The following PCDHGB5 variants were observed in gnomAD, a reference collection of about 807,000 sequenced individuals.
The protein encoded by PCDHGB5 is protocadherin gamma subfamily B, 5, also known as protocadherin gamma-B5.
Under a neutral mutation model 62.9 loss-of-function variants are expected in PCDHGB5, and 48 were observed. That is an observed-to-expected ratio of 0.76 (90% confidence interval 0.61 to 0.97). The LOEUF (loss-of-function observed/expected upper bound fraction) is 0.97, where lower values mean the gene tolerates loss of function less well. Ranked by LOEUF, PCDHGB5 falls within the 50% of genes least tolerant of loss-of-function variation. PCDHGB5 has a pLI of 0.00. For missense variants in PCDHGB5, 1,118 were observed against 1,198.6 expected, an observed-to-expected ratio of 0.93 and a Z score of 0.99; for synonymous variants, 474 against 511.2, an observed-to-expected ratio of 0.93 and a Z score of 0.98.
intron 1 of PCDHGB5, chr5:141,409,464 C>G (rs1185218827): frequency 1.9e-6 from 3 of 1,613,940 alleles, no homozygotes; most frequent in Non-Finnish European, 1.7e-6. Context: ...TACAATGTCA[C>G]CATCGTAGCC....
At position 141,499,673 on chromosome 5, in the gene PCDHGB5, C is replaced by A. The variant is rs1193484216; in HGVS notation, c.2456+4808C>A. Among the ~76,000 whole-genome samples the A allele has an allele frequency of 2.7e-5, 4 of 150,550 alleles. No individual in the cohort carries two copies. In the East Asian group the frequency reaches 7.8e-4, roughly 29 times the overall value. On this transcript the variant is annotated intron_variant, in intron 2 of 3. Transcript: ENST00000617380. ...CATATAATTTCATCTTGGTCTCCACCATCTTTAACAGATGACTTTTTTTTT... is the reference window on the plus strand; with the variant it reads ...CATATAATTTCATCTTGGTCTCCACAATCTTTAACAGATGACTTTTTTTTT...
intron 1 of PCDHGB5, chr5:141,427,356 G>A (rs1295421809): frequency 8.7e-6 from 4 of 457,618 alleles, no homozygotes; most frequent in Non-Finnish European, 1.8e-5. Context: ...AACTGAGGAC[G>A]CAGAACCCTG....
intron 1 of PCDHGB5, among the ~76,000 whole-genome samples, chr5:141,405,839 G>C (rs2094725144): frequency 6.6e-6 from 1 of 152,134 alleles, no homozygotes; most frequent in African/African-American, 2.4e-5. Context: ...AGTATAAGTT[G>C]ATATCAGTGT....
chr5:141,469,296 A>T (rs2099196287), intron 1 of PCDHGB5, among the ~76,000 whole-genome samples: 1 of 149,742 alleles, frequency 6.7e-6, no homozygotes, highest in Non-Finnish European at 1.5e-5. Context: ...AACAAAATAG[A>T]CTGGGCACGA....
intron 1 of PCDHGB5, among the ~76,000 whole-genome samples, chr5:141,444,150 GGA>G (rs1471930589): frequency 1.6e-4 from 18 of 114,012 alleles, no homozygotes; most frequent in Non-Finnish European, 2.3e-4. Context: ...TGTGTGTACT[GGA>G]TTTTTTTTTT....
chr5:141,408,617 C>T (rs2095139011), intron 1 of PCDHGB5: 2 of 1,614,004 alleles, frequency 1.2e-6, no homozygotes, highest in African/African-American at 2.7e-5. Flanking sequence ...AAAGGAAATA[C>T]ATTTAGAAAT....
chr5:141,451,976 A>T (rs2098729884), intron 1 of PCDHGB5, among the ~76,000 whole-genome samples: 1 of 152,164 alleles, frequency 6.6e-6, no homozygotes, highest in Non-Finnish European at 1.5e-5. Flanking sequence ...TTTTTGCTGT[A>T]GTTTGTTCAT....
rs765634746 is a variant in PCDHGB5 at position 141,418,621 on chromosome 5, C to A, written c.2397+18097C>A. On this transcript the variant is annotated intron_variant, in intron 1 of 3. Transcript: ENST00000617380. Reference sequence around the variant, plus strand: ...TGTACAGGGTTAGCCTTCGGGAAGACGTGCCTCCAGGCACCTCCATCCTGA... The same window carrying A: ...TGTACAGGGTTAGCCTTCGGGAAGAAGTGCCTCCAGGCACCTCCATCCTGA... 8 of 1,614,034 alleles carry A rather than the reference C, an allele frequency of 5.0e-6. No individual in the cohort carries two copies. The East Asian group carries it at 1.8e-4, about 36-fold the overall frequency.
chr5:141,489,893 G>A lies in PCDHGB5; in HGVS notation c.2398-4914G>A. ...CTGGTGCTTACTGCTGTGGATGGGG[G>A]GACCCCAGCCCGCTCAGGGACCACC... On this transcript the variant is annotated intron_variant, in intron 1 of 3. Transcript: ENST00000617380. This position sits in a 1 kb window ranked among gnomAD's most constrained non-coding sequence, Gnocchi z 4.5. 6.2e-7 allele frequency: 1 copy of A among 1,614,190 alleles called. No individual in the cohort carries two copies. Among genetic ancestry groups the A allele is most frequent in the South Asian group, 1.1e-5 (1 of 91,084 alleles).
In PCDHGB5 at chr5:141,487,456, G is replaced by A. The variant is rs1041154635; in HGVS notation, c.2398-7351G>A. Reference sequence around the variant, plus strand: ...AGCTAGGGTCAGATGACCCTATCAAGTTTGTTGATGTGGGAGGCCACTCTC... The same window carrying A: ...AGCTAGGGTCAGATGACCCTATCAAATTTGTTGATGTGGGAGGCCACTCTC... On this transcript the variant is annotated intron_variant, in intron 1 of 3. Coordinates refer to ENST00000617380, the MANE Select transcript of PCDHGB5 (RefSeq NM_018925.3). The surrounding 1 kb of genome is among the most constrained non-coding windows in gnomAD (Gnocchi z 5.0). 6.2e-7 allele frequency: 1 copy of A among 1,614,196 alleles called. No individual in the cohort carries two copies. The highest frequency in any genetic ancestry group is 8.5e-7 in the Non-Finnish European group (1 of 1,180,026).
intron 1 of PCDHGB5, among the ~76,000 whole-genome samples, chr5:141,466,863 C>A (rs1409042461): frequency 1.3e-5 from 2 of 152,070 alleles, no homozygotes; most frequent in African/African-American, 4.8e-5. Context: ...ATTTTGAAAT[C>A]CACACATTTT....
chr5:141,469,314 C>T (rs982242861), intron 1 of PCDHGB5, among the ~76,000 whole-genome samples: 3 of 152,100 alleles, frequency 2.0e-5, no homozygotes, highest in Admixed American at 1.3e-4. Context: ...CGATGGCTCA[C>T]GCCTGTAATC....
Position 141,477,098 on chromosome 5 carries a change from G to A in PCDHGB5, c.2398-17709G>A, listed in dbSNP as rs1562059777. 1.9e-6 allele frequency: 3 copies of A among 1,614,124 alleles called. No individual in the cohort carries two copies. The highest frequency in any genetic ancestry group is 3.3e-5 in the Admixed American group (2 of 60,008). The stretch of plus-strand genomic sequence containing the variant: ...GATTTACATCCAGGCCAAAGACAAG[G>A]GCGCCAATCCCGAAGGAGCACATTG... On this transcript the variant is annotated intron_variant, in intron 1 of 3. Coordinates refer to ENST00000617380, the MANE Select transcript of PCDHGB5 (RefSeq NM_018925.3). This position sits in a 1 kb window ranked among gnomAD's most constrained non-coding sequence, Gnocchi z 4.9.
At chr5:141,411,890 G>T (rs2095521758) in intron 1 of PCDHGB5, 1 of 152,148 alleles carries the variant, frequency 6.6e-6, no homozygotes, top group South Asian at 2.1e-4. Context: ...AGAAATAAAT[G>T]AAATACTATT....
At chr5:141,468,330 CAAA>C (rs533390277) in intron 1 of PCDHGB5, 32,113 of 79,068 alleles carry the variant, frequency 0.41, 3,870 homozygotes, top group African/African-American at 0.52. Flanking sequence ...AACTCCATCT[CAAA>C]AAAAAAAAAA....
intron 1 of PCDHGB5, chr5:141,413,082 A>C: frequency 3.7e-6 from 5 of 1,344,442 alleles, no homozygotes; most frequent in Non-Finnish European, 5.1e-6. Context: ...CCCAGGCTAC[A>C]GAGACACCCT....
chr5:141,414,721 G>A (rs373261988), intron 1 of PCDHGB5: 29 of 1,614,004 alleles, frequency 1.8e-5, no homozygotes, highest in Middle Eastern at 1.6e-4. Flanking sequence ...CTCAGACACT[G>A]GCGTCCTGTA....
At position 141,400,283 on chromosome 5, in the gene PCDHGB5, C is replaced by T. The variant is rs566639489; in HGVS notation, c.2156C>T (p.Ala719Val). 2.5e-6 allele frequency: 4 copies of T among 1,614,084 alleles called. No individual in the cohort carries two copies. In the African/African-American group the frequency reaches 5.3e-5, roughly 22 times the overall value. Residue 719 changes from alanine (A) to valine (V), a missense_variant, in exon 1 of 4, where the codon GCC (alanine) becomes GTC (valine). This residue lies in a region of PCDHGB5 where 1,034 missense variants were observed against 1,029.1 expected (regional missense o/e 1.00). Coordinates refer to ENST00000617380, the MANE Select transcript of PCDHGB5 (RefSeq NM_018925.3). The stretch of plus-strand genomic sequence containing the variant: ...CTGCGACGCTCCTCCAGCCCTGCCG[C>T]CTGGAGCTGCTTCCAACCTGGTCTC... ...LRLRRSSSPA[A>V]WSCFQPGLCV...
At chr5:141,481,812 C>T (rs2099545604) in intron 1 of PCDHGB5, among the ~76,000 whole-genome samples, 2 of 149,798 alleles carry the variant, frequency 1.3e-5, no homozygotes, top group South Asian at 2.1e-4. Context: ...ATTCACCAGG[C>T]GTGGTGGCTG....
Sources: allele counts gnomAD v4.1 joint callset (sites outside exome capture counted in the v4.1 genomes callset), GRCh38; gene constraint gnomAD v4.1.1; regional missense constraint gnomAD v4.1.1; non-coding constraint Gnocchi (gnomAD v3.1); transcripts MANE v1.5; gene names NCBI Gene and HGNC (gene_info 2026-07-23, HGNC 2026-07-21).